Variants in FOLH1 observed in about 807,000 individuals in gnomAD.
FOLH1 encodes the protein glutamate carboxypeptidase 2.
In FOLH1, 54 loss-of-function variants were observed where a neutral mutation model predicts 93.9. The observed-to-expected ratio is 0.57, with a 90% confidence interval of 0.46 to 0.72. The LOEUF is 0.72. Ranked by LOEUF, FOLH1 falls within the 30% of genes least tolerant of loss-of-function variation. The pLI is 0.00. For missense variants in FOLH1, 571 were observed against 892.5 expected, an observed-to-expected ratio of 0.64 and a Z score of 4.59; for synonymous variants, 249 against 303.6, an observed-to-expected ratio of 0.82 and a Z score of 1.87.
intron 3 of FOLH1, among the ~76,000 whole-genome samples, chr11:49,199,827 C>T (rs1379941678): frequency 2.6e-5 from 4 of 151,898 alleles, no homozygotes; most frequent in Non-Finnish European, 5.9e-5. Context: ...AGGAGAATCC[C>T]TTGAACATGG....
rs1426284254 is a variant in FOLH1 at position 49,146,560 on chromosome 11, T to A, written c.*196A>T. ...TCCACTTCAGAATAACCTCTTATAA[T>A]TATGAAATTCAGTTTTAATCCATAG... is the stretch of plus-strand genomic sequence containing the variant. On this transcript the variant is annotated 3_prime_UTR_variant, in exon 19 of 19. Transcript: ENST00000256999. The A allele has an allele frequency of 3.8e-6, 2 of 521,688 alleles. No homozygotes were observed. The highest frequency in any genetic ancestry group is 6.2e-6 in the Non-Finnish European group (2 of 324,374). The allele number at this position is 521,688 out of a possible 1,614,324, so 32.3% of individuals were successfully genotyped here. A position where few individuals can be genotyped will look rare whatever the true frequency, so the allele number is the denominator to read the frequency against.
rs1565201538 is a variant in FOLH1, at chr11:49,192,783, G to C, written c.513+10C>G. 1 of 1,588,094 alleles carries C rather than the reference G, an allele frequency of 6.3e-7. No homozygotes were observed. The highest frequency in any genetic ancestry group is 8.6e-7 in the Non-Finnish European group (1 of 1,167,174). ...TTTTGTCATTTTTATTTGTTGCACT[G>C]TGTTTTTACCTCTGGCATTCCTTGA... On this transcript the variant is annotated intron_variant, in intron 4 of 18. Coordinates refer to ENST00000256999, the MANE Select transcript of FOLH1 (RefSeq NM_004476.3).
At chr11:49,172,969 G>A (rs1433044278) in intron 10 of FOLH1, among the ~76,000 whole-genome samples, 2 of 152,092 alleles carry the variant, frequency 1.3e-5, no homozygotes, top group African/African-American at 4.8e-5. Context: ...CTTTGTACAC[G>A]TAATCTGAGG....
intron 10 of FOLH1, among the ~76,000 whole-genome samples, chr11:49,171,554 T>A (rs1859294700): frequency 6.6e-6 from 1 of 152,090 alleles, no homozygotes; most frequent in Admixed American, 6.6e-5. Flanking sequence ...TCGCTATGCA[T>A]AGGAAGTCAT....
intron 17 of FOLH1, among the ~76,000 whole-genome samples, chr11:49,151,909 A>C (rs1319506652): frequency 6.6e-6 from 1 of 152,164 alleles, no homozygotes; most frequent in Non-Finnish European, 1.5e-5. Flanking sequence ...CACATATAAA[A>C]ATTATAAAGA....
In FOLH1 at chr11:49,173,493, C is replaced by T. The variant is rs1408126616; in HGVS notation, c.1106-17G>A. ...CATATCTGTCTAGAAAGCATAGATA[C>T]AAGATTATTTGTCATTTCAGGTCAA... On this transcript the variant is annotated splice_polypyrimidine_tract_variant and intron_variant, in intron 9 of 18. Coordinates refer to ENST00000256999, the MANE Select transcript of FOLH1 (RefSeq NM_004476.3). The T allele has an allele frequency of 2.1e-6, 3 of 1,402,510 alleles. No individual in the cohort carries two copies. Among genetic ancestry groups the T allele is most frequent in the Non-Finnish European group, 2.9e-6 (3 of 1,050,142 alleles). 86.9% of individuals were successfully genotyped at this position (1,402,510 alleles called of 1,614,324 possible). A position where few individuals can be genotyped will look rare whatever the true frequency, so the allele number is the denominator to read the frequency against.
rs1191263268 is a variant in FOLH1 at position 49,146,130 on chromosome 11, G to A, written c.*626C>T. Among the ~76,000 whole-genome samples, 1 of 152,104 alleles carries A rather than the reference G, an allele frequency of 6.6e-6. No individual in the cohort carries two copies. The highest frequency in any genetic ancestry group is 2.4e-5 in the African/African-American group (1 of 41,420). On this transcript the variant is annotated 3_prime_UTR_variant, in exon 19 of 19. Transcript: ENST00000256999. Reference sequence around the variant, plus strand: ...AGCATAACTGTCATTAGTACATGGGGCATCCAAAGATATTAGAAATGTTAT... The same window carrying A: ...AGCATAACTGTCATTAGTACATGGGACATCCAAAGATATTAGAAATGTTAT...
At chr11:49,190,420 G>A (rs1861904074) in intron 4 of FOLH1, among the ~76,000 whole-genome samples, 1 of 152,162 alleles carries the variant, frequency 6.6e-6, no homozygotes, top group Non-Finnish European at 1.5e-5. Context: ...ACCATCCATT[G>A]TTCTATGACT....
intron 2 of FOLH1, among the ~76,000 whole-genome samples, chr11:49,201,503 C>A (rs1297208833): frequency 6.6e-6 from 1 of 151,242 alleles, no homozygotes; most frequent in Non-Finnish European, 1.5e-5. Flanking sequence ...TTTCCTGTAA[C>A]TTGTTTACTT....
intron 17 of FOLH1, among the ~76,000 whole-genome samples, chr11:49,149,405 A>G (rs878880252): frequency 1.3e-5 from 2 of 152,044 alleles, no homozygotes; most frequent in Admixed American, 1.3e-4. Flanking sequence ...GCCACATCTG[A>G]TCTCCCTTGG....
chr11:49,164,569 G>A, intron 13 of FOLH1, 136 bp downstream of exon 13: 1 of 619,582 alleles, frequency 1.6e-6, no homozygotes. Flanking sequence ...GTGATGGTCT[G>A]TGAAGATGTG....
chr11:49,208,569 T>G lies in FOLH1; in HGVS notation c.-160A>C, dbSNP rs1864242068. ...AATTCGCTCCAGACCTGGGGTCCAG[T>G]TTCTCCACCACAGCAGTGTTTCTAG... On this transcript the variant is annotated 5_prime_UTR_variant, in exon 1 of 19. Transcript: ENST00000256999. 5.6e-6 allele frequency: 3 copies of G among 532,640 alleles called. No homozygotes were observed. The East Asian group carries it at 9.3e-5, about 17-fold the overall frequency. The allele number at this position is 532,640 out of a possible 1,614,324, so 33.0% of individuals were successfully genotyped here.
chr11:49,177,197 A>G (rs2135125285), intron 7 of FOLH1, among the ~76,000 whole-genome samples: 1 of 152,382 alleles, frequency 6.6e-6, no homozygotes, highest in African/African-American at 2.4e-5. Context: ...TGCTCTATCA[A>G]AGTGTAAATA....
intron 12 of FOLH1, among the ~76,000 whole-genome samples, chr11:49,165,716 T>G (rs1858307923): frequency 6.6e-6 from 1 of 152,194 alleles, no homozygotes; most frequent in Non-Finnish European, 1.5e-5. Flanking sequence ...GCAACTAGCT[T>G]TTATCCCAAA....
At chr11:49,168,627 C>A (rs1435845403) in intron 12 of FOLH1, among the ~76,000 whole-genome samples, 1 of 152,112 alleles carries the variant, frequency 6.6e-6, no homozygotes, top group Non-Finnish European at 1.5e-5. Flanking sequence ...TGCGCCACCA[C>A]GCCCGGCTAA....
chr11:49,189,215 G>A (rs543427471), intron 4 of FOLH1, among the ~76,000 whole-genome samples: 1 of 152,252 alleles, frequency 6.6e-6, no homozygotes, highest in South Asian at 2.1e-4. Context: ...TCTGCAAACT[G>A]ATCTCTTTAA....
At chr11:49,155,795 C>CAAATATAT (rs1856941252) in intron 15 of FOLH1, among the ~76,000 whole-genome samples, 1 of 52,130 alleles carries the variant, frequency 1.9e-5, no homozygotes, top group Non-Finnish European at 4.6e-5. Context: ...AAATGAAAAC[C>CAAATATAT]ATATATATAT....
chr11:49,155,795 C>CATATATATAT (rs10526900), intron 15 of FOLH1, among the ~76,000 whole-genome samples: 616 of 51,856 alleles, frequency 0.012, 30 homozygotes, highest in Non-Finnish European at 0.019. Flanking sequence ...AAATGAAAAC[C>CATATATATAT]ATATATATAT....
At position 49,164,028 on chromosome 11, in the gene FOLH1, C is replaced by T. The variant is rs567982290; in HGVS notation, c.1440+677G>A. Among the ~76,000 whole-genome samples the T allele has an allele frequency of 4.6e-5, 7 of 152,100 alleles. No homozygotes were observed. In the South Asian group the frequency reaches 6.2e-4, roughly 14 times the overall value. On this transcript the variant is annotated intron_variant, in intron 13 of 18. Transcript: ENST00000256999. ...GGTTGGGTTGTTTCCTTGATTAGTC[C>T]CAATGTGAGTATCTGCTCGTTTCAG...
Sources: gnomAD v4.1 joint callset for allele counts (sites outside exome capture counted in the v4.1 genomes callset) on GRCh38, gnomAD v4.1.1 for gene constraint, MANE v1.5 for transcripts, NCBI Gene and HGNC (gene_info 2026-07-23, HGNC 2026-07-21) for gene names.